The following SVEP1 variants were observed in gnomAD, a reference collection of about 807,000 sequenced individuals.
The protein encoded by SVEP1 is sushi, von Willebrand factor type A, EGF and pentraxin domain containing 1.
SVEP1 carries 164 observed loss-of-function variants against 367.3 expected under a neutral mutation model. The ratio of observed to expected loss-of-function variants is 0.45; its 90% CI spans 0.39 to 0.51. The LOEUF is 0.51. Ranked by LOEUF, SVEP1 falls within the 20% of genes least tolerant of loss-of-function variation. The pLI is 0.00. For missense variants in SVEP1, 4,117 were observed against 4,425.3 expected (o/e 0.93, Z 1.98); for synonymous variants, 1,666 against 1,611.6 (o/e 1.03, Z -0.81).
chr9:110,456,483 G>A (rs1275570132), intron 21 of SVEP1, among the ~76,000 whole-genome samples: 2 of 151,524 alleles, frequency 1.3e-5, no homozygotes, highest in Non-Finnish European at 2.9e-5. Context: ...CACACAACAC[G>A]AGCCAGCTAT....
At chr9:110,477,491 T>C (rs925272154) in intron 13 of SVEP1, among the ~76,000 whole-genome samples, 3 of 152,222 alleles carry the variant, frequency 2.0e-5, no homozygotes, top group African/African-American at 7.2e-5. Flanking sequence ...TTCTTTAGCA[T>C]ACTTATTCAT....
At chr9:110,494,581 TCTTA>T (rs1401388923) in intron 8 of SVEP1, among the ~76,000 whole-genome samples, 1 of 152,208 alleles carries the variant, frequency 6.6e-6, no homozygotes, top group Non-Finnish European at 1.5e-5. Flanking sequence ...TAATTTAGCA[TCTTA>T]CTTTTCTACC....
At chr9:110,562,719 G>A (rs1261200182) in intron 1 of SVEP1, among the ~76,000 whole-genome samples, 1 of 151,866 alleles carries the variant, frequency 6.6e-6, no homozygotes, top group East Asian at 1.9e-4. Context: ...ATGGAGTTTT[G>A]CTCTTGTTGC....
chr9:110,545,621 T>C (rs1830210539), intron 3 of SVEP1, among the ~76,000 whole-genome samples: 1 of 152,182 alleles, frequency 6.6e-6, no homozygotes, highest in Non-Finnish European at 1.5e-5. Context: ...CTGGCTTCAA[T>C]CTCATAGAGA....
intron 36 of SVEP1, among the ~76,000 whole-genome samples, chr9:110,414,477 T>C (rs1173766930): frequency 6.6e-6 from 1 of 152,042 alleles, no homozygotes; most frequent in African/African-American, 2.4e-5. Flanking sequence ...TTGCTTTAGA[T>C]AGGCTCAGTT....
At chr9:110,383,296 TTTTTC>T (rs1294128124) in intron 43 of SVEP1, among the ~76,000 whole-genome samples, 2 of 152,342 alleles carry the variant, frequency 1.3e-5, no homozygotes, top group South Asian at 2.1e-4. Context: ...TTTCTCTTTG[TTTTTC>T]TTTTAACAGT....
rs953257760 is a variant in SVEP1 at position 110,529,783 on chromosome 9, CTT to C, written c.965-15679_965-15678del. ...ATTCTTTTGGAGGAGTCTTTAGAGT[CTT>C]TTAGGTATAAAATCATATCGTCAGC... On this transcript the variant is annotated intron_variant, in intron 3 of 47. Coordinates refer to ENST00000374469, the MANE Select transcript of SVEP1 (RefSeq NM_153366.4). Among the ~76,000 whole-genome samples, 5 of 152,084 alleles carry C rather than the reference CTT, an allele frequency of 3.3e-5. No individual in the cohort carries two copies. In the East Asian group the frequency reaches 9.7e-4, roughly 29 times the overall value.
At chr9:110,506,153 C>G (rs1829623850) in intron 5 of SVEP1, among the ~76,000 whole-genome samples, 1 of 152,118 alleles carries the variant, frequency 6.6e-6, no homozygotes, top group African/African-American at 2.4e-5. Flanking sequence ...TGAACTCATC[C>G]TTTTCTATGG....
Position 110,542,965 on chromosome 9 carries a change from T to TTAAA in SVEP1, c.964+3149_964+3150insTTTA, listed in dbSNP as rs55773620. On this transcript the variant is annotated intron_variant, in intron 3 of 47. Coordinates refer to ENST00000374469, the MANE Select transcript of SVEP1 (RefSeq NM_153366.4). ...TGTACCCTAGAACTTAAAGTATAAT[T>TTAAA]AAAAAAAAATATATATATATATATA... is the stretch of plus-strand genomic sequence containing the variant. 1.0e-3 allele frequency among the ~76,000 whole-genome samples: 145 copies of TTAAA among 141,640 alleles called. 1 individual carries two copies. Among genetic ancestry groups the TTAAA allele is most frequent in the Middle Eastern group, 7.4e-3 (2 of 272 alleles). The allele number at this position is 141,640 out of a possible 152,430, so 92.9% of individuals were successfully genotyped here. A position where few individuals can be genotyped will look rare whatever the true frequency, so the allele number is the denominator to read the frequency against.
intron 47 of SVEP1, among the ~76,000 whole-genome samples, chr9:110,368,655 ATACT>A: frequency 6.6e-6 from 1 of 152,268 alleles, no homozygotes; most frequent in Middle Eastern, 3.4e-3. Context: ...AAAGTACTAA[ATACT>A]TCTTTTTTGA....
At position 110,390,375 on chromosome 9, in the gene SVEP1, TTA is replaced by T. The variant is rs1347937751; in HGVS notation, c.9823-790_9823-789del. Among the ~76,000 whole-genome samples the T allele has an allele frequency of 6.8e-5, 3 of 43,956 alleles. No individual in the cohort carries two copies. The East Asian group carries it at 1.4e-3, about 20-fold the overall frequency. 28.8% of individuals were successfully genotyped at this position (43,956 alleles called of 152,430 possible). Reference sequence around the variant, plus strand: ...CTTATATATATATACTTATATCTACTTATATATATATATACTTATATCTCACA... The same window carrying T: ...CTTATATATATATACTTATATCTACTTATATATATATACTTATATCTCACA... On this transcript the variant is annotated intron_variant, in intron 40 of 47. Transcript: ENST00000374469.
chr9:110,516,918 C>T (rs1285041070), intron 3 of SVEP1, among the ~76,000 whole-genome samples: 7 of 152,042 alleles, frequency 4.6e-5, no homozygotes, highest in African/African-American at 1.7e-4. Context: ...TAACAAAAGT[C>T]ACATCCAGGA....
At chr9:110,409,192 T>C (rs1480745647) in intron 37 of SVEP1, among the ~76,000 whole-genome samples, 1 of 152,114 alleles carries the variant, frequency 6.6e-6, no homozygotes, top group African/African-American at 2.4e-5. Flanking sequence ...TCCCAGCACT[T>C]TGGGAGGCCG....
Position 110,379,329 on chromosome 9 carries a change from A to T in SVEP1, c.10408+18T>A, listed in dbSNP as rs780085514. On this transcript the variant is annotated intron_variant, in intron 44 of 47. Coordinates refer to ENST00000374469, the MANE Select transcript of SVEP1 (RefSeq NM_153366.4). Reference sequence around the variant, plus strand: ...CCTGCAGTTTCACTAAGAAATAACCATTCAAATATTTCCTTACCTCTGCAA... The same window carrying T: ...CCTGCAGTTTCACTAAGAAATAACCTTTCAAATATTTCCTTACCTCTGCAA... The T allele has an allele frequency of 6.2e-7, 1 of 1,611,358 alleles. No homozygotes were observed. The highest frequency in any genetic ancestry group is 8.5e-7 in the Non-Finnish European group (1 of 1,178,234).
intron 7 of SVEP1, among the ~76,000 whole-genome samples, chr9:110,497,502 T>C (rs1829468886): frequency 6.6e-6 from 1 of 152,204 alleles, no homozygotes; most frequent in African/African-American, 2.4e-5. Context: ...CACTGTCTTA[T>C]ATGGTACCTG....
chr9:110,559,830 A>G (rs141384666), intron 1 of SVEP1, among the ~76,000 whole-genome samples: 16 of 152,312 alleles, frequency 1.1e-4, no homozygotes, highest in Non-Finnish European at 1.9e-4. Context: ...GGACAAGCAC[A>G]CTAGTTAAAT....
Position 110,483,795 on chromosome 9 carries a change from C to A in SVEP1, c.1931-102G>T, listed in dbSNP as rs1035439329. The A allele has an allele frequency of 2.8e-4, 207 of 744,574 alleles. No homozygotes were observed. The African/African-American group carries it at 3.4e-3, about 12-fold the overall frequency. 46.1% of individuals were successfully genotyped at this position (744,574 alleles called of 1,614,324 possible). A position where few individuals can be genotyped will look rare whatever the true frequency, so the allele number is the denominator to read the frequency against. On this transcript the variant is annotated intron_variant, in intron 9 of 47. Transcript: ENST00000374469. ...AAGTCGGCTTGTGCTGGCAGACAGC[C>A]TTGAGCTTGCAAGAAACAAGGCTGA... is the stretch of plus-strand genomic sequence containing the variant.
At chr9:110,564,939 A>T (rs985639698) in intron 1 of SVEP1, among the ~76,000 whole-genome samples, 1 of 152,112 alleles carries the variant, frequency 6.6e-6, no homozygotes, top group African/African-American at 2.4e-5. Flanking sequence ...ATTCAGTTAC[A>T]TGCTTCCTCT....
chr9:110,551,594 A>C (rs1830287306), intron 1 of SVEP1, among the ~76,000 whole-genome samples: 1 of 152,202 alleles, frequency 6.6e-6, no homozygotes, highest in Non-Finnish European at 1.5e-5. Context: ...TCTGCGACGG[A>C]GTAGCATTCG....
Sources: gnomAD v4.1 joint callset for allele counts (sites outside exome capture counted in the v4.1 genomes callset) on GRCh38, gnomAD v4.1.1 for gene constraint, MANE v1.5 for transcripts, NCBI Gene and HGNC (gene_info 2026-07-23, HGNC 2026-07-21) for gene names.